DHCR7: variants seen among roughly 807,000 people sequenced by gnomAD.
DHCR7 encodes the protein 7-dehydrocholesterol reductase.
A neutral mutation model predicts 43.3 loss-of-function variants in DHCR7; 40 were observed. The observed-to-expected ratio is 0.92, with a 90% CI of 0.72 to 1.20. The LOEUF (loss-of-function observed/expected upper bound fraction) is 1.20, where lower values mean the gene tolerates loss of function less well. DHCR7 is among the 50% of genes most tolerant of loss of function. DHCR7 has a pLI of 0.00. For missense variants in DHCR7, 608 were observed against 644.6 expected (o/e 0.94, Z 0.62); for synonymous variants, 298 against 271.4 (o/e 1.10, Z -0.96).
Position 71,442,297 on chromosome 11 carries a change from T to G in DHCR7, c.378A>C (p.Val126=), listed in dbSNP as rs1346026017. Residue 126 remains valine (V), a synonymous_variant, in exon 5 of 9, where the codon GTA becomes GTC. Transcript: ENST00000355527. ...DFCHKFLPGY[V]GGIQEGAVTP... ...TCACGGCCCCCTCCTGGATGCCTCC[T>G]ACGTAGCCGGGTAGAAACTTATGGC... is the stretch of plus-strand genomic sequence containing the variant. 6.2e-7 allele frequency: 1 copy of G among 1,613,830 alleles called. No individual in the cohort carries two copies. Among genetic ancestry groups the G allele is most frequent in the Non-Finnish European group, 8.5e-7 (1 of 1,179,920 alleles).
downstream of DHCR7, among the ~76,000 whole-genome samples, chr11:71,430,824 G>A (rs557632002): frequency 6.6e-6 from 1 of 152,300 alleles, no homozygotes; most frequent in East Asian, 1.9e-4. Context: ...TACAGGATGG[G>A]GAGTGCATGC....
At chr11:71,437,108 T>C (rs1460179621) in intron 8 of DHCR7, among the ~76,000 whole-genome samples, 1 of 152,112 alleles carries the variant, frequency 6.6e-6, no homozygotes, top group Non-Finnish European at 1.5e-5. Context: ...GCTGTGGGAA[T>C]CCTGGTTTTC....
At chr11:71,448,245 G>T (rs1386083913) in intron 1 of DHCR7, 45 bp downstream of exon 1, 1 of 154,890 alleles carries the variant, frequency 6.5e-6, no homozygotes, top group African/African-American at 2.4e-5. Flanking sequence ...CCCCCACTGC[G>T]CACACCTTCC....
downstream of DHCR7, among the ~76,000 whole-genome samples, chr11:71,427,484 T>G (rs1057421714): frequency 2.0e-5 from 3 of 152,238 alleles, no homozygotes; most frequent in Non-Finnish European, 4.4e-5. Flanking sequence ...AAATAGATTT[T>G]TGATATTGAC....
chr11:71,433,389 A>T (rs1296585162), downstream of DHCR7, among the ~76,000 whole-genome samples: 1 of 152,214 alleles, frequency 6.6e-6, no homozygotes, highest in Non-Finnish European at 1.5e-5. Context: ...GCACCTGCAG[A>T]ACCCATTGTA....
At chr11:71,436,048 T>C (rs1949276895) in intron 8 of DHCR7, 1 of 600,282 alleles carries the variant, frequency 1.7e-6, no homozygotes, top group South Asian at 2.0e-5. Flanking sequence ...TCTACCTGTC[T>C]GTGTGTGTAT....
At chr11:71,446,172 T>C (rs1949400909) in intron 2 of DHCR7, among the ~76,000 whole-genome samples, 1 of 149,300 alleles carries the variant, frequency 6.7e-6, no homozygotes, top group Non-Finnish European at 1.5e-5. Flanking sequence ...TGCATCTGAA[T>C]GTGTAGGAAA....
rs918576144 is a variant in DHCR7 at position 71,435,060 on chromosome 11, G to A, written c.*315C>T. 5.3e-6 allele frequency: 3 copies of A among 568,682 alleles called. No individual in the cohort carries two copies. Among genetic ancestry groups the A allele is most frequent in the Non-Finnish European group, 1.0e-5 (3 of 298,974 alleles). The allele number at this position is 568,682 out of a possible 1,614,324, so 35.2% of individuals were successfully genotyped here. A position where few individuals can be genotyped will look rare whatever the true frequency, so the allele number is the denominator to read the frequency against. ...GTGGGCAGAGTGTAGCGTGGCCTGG[G>A]CTCCTAATACAGGTAAATTGTCTCC... On this transcript the variant is annotated 3_prime_UTR_variant, in exon 9 of 9. Coordinates refer to ENST00000355527, the MANE Select transcript of DHCR7 (RefSeq NM_001360.3).
downstream of DHCR7, among the ~76,000 whole-genome samples, chr11:71,430,655 T>C (rs1949223412): frequency 1.3e-5 from 2 of 152,152 alleles, no homozygotes; most frequent in Admixed American, 1.3e-4. Flanking sequence ...AATGAAGTCA[T>C]ATGGACACTT....
At chr11:71,437,493 A>G (rs530434328) in intron 8 of DHCR7, among the ~76,000 whole-genome samples, 2 of 152,210 alleles carry the variant, frequency 1.3e-5, no homozygotes, top group Admixed American at 6.5e-5. Flanking sequence ...GCCCTGCCCC[A>G]GTGCCCAGCA....
intron 8 of DHCR7, among the ~76,000 whole-genome samples, chr11:71,437,576 C>T (rs1591108730): frequency 6.6e-6 from 1 of 152,326 alleles, no homozygotes; most frequent in East Asian, 1.9e-4. Context: ...CCTCCACTGC[C>T]CCATCCAGCC....
chr11:71,436,523 C>T (rs1371570402), intron 8 of DHCR7, among the ~76,000 whole-genome samples: 5 of 152,140 alleles, frequency 3.3e-5, no homozygotes, highest in African/African-American at 9.7e-5. Context: ...ATTAGCTGGG[C>T]GTGGTGGCAT....
At chr11:71,439,408 C>T (rs1003880807) in intron 6 of DHCR7, among the ~76,000 whole-genome samples, 1 of 152,240 alleles carries the variant, frequency 6.6e-6, no homozygotes, top group Non-Finnish European at 1.5e-5. Context: ...CTCTACCCTT[C>T]TCCAGATGCC....
At chr11:71,442,520 A>T (rs1176202658) in intron 4 of DHCR7, among the ~76,000 whole-genome samples, 167 bp from the exon 5 acceptor site, 1 of 152,140 alleles carries the variant, frequency 6.6e-6, no homozygotes, top group Non-Finnish European at 1.5e-5. Flanking sequence ...GGGTTCTGAG[A>T]CAATAAACTC....
intron 4 of DHCR7, among the ~76,000 whole-genome samples, chr11:71,442,953 C>T (rs912997952): frequency 6.6e-6 from 1 of 152,226 alleles, no homozygotes; most frequent in Non-Finnish European, 1.5e-5. Flanking sequence ...TCTCCGGTCA[C>T]TCTGAATTCC....
At chr11:71,444,310 A>G in intron 3 of DHCR7, 95 bp from the exon 4 acceptor site, 1 of 1,017,106 alleles carries the variant, frequency 9.8e-7, no homozygotes, top group Non-Finnish European at 1.5e-6. Flanking sequence ...CTGTTGCTCA[A>G]ACCCACCAGT....
At chr11:71,430,198 G>T (rs1432306267), downstream of DHCR7, among the ~76,000 whole-genome samples, 2 of 152,220 alleles carry the variant, frequency 1.3e-5, no homozygotes, top group African/African-American at 2.4e-5. Context: ...CAGAAAATCT[G>T]GCCGGGCTGT....
At chr11:71,440,467 T>G in intron 6 of DHCR7, among the ~76,000 whole-genome samples, 7 of 100,388 alleles carry the variant, frequency 7.0e-5, no homozygotes, top group Admixed American at 3.6e-4. Flanking sequence ...ATGAGATGGA[T>G]GATGGATGGG....
chr11:71,438,668 C>T (rs1403696269), intron 7 of DHCR7: 9 of 629,910 alleles, frequency 1.4e-5, no homozygotes, highest in Non-Finnish European at 2.6e-5. Context: ...TAGAACCTGC[C>T]TCCTCCCCTC....
Sources: gnomAD v4.1 joint callset for allele counts (sites outside exome capture counted in the v4.1 genomes callset) on GRCh38, gnomAD v4.1.1 for gene constraint, MANE v1.5 for transcripts, NCBI Gene and HGNC (gene_info 2026-07-23, HGNC 2026-07-21) for gene names.